The following ZNF135 variants were observed in gnomAD, a reference collection of about 807,000 sequenced individuals.
ZNF135 encodes zinc finger protein 135 (clone pHZ-17).
A neutral mutation model predicts 12.3 loss-of-function variants in ZNF135; 11 were observed. That is an observed-to-expected ratio of 0.89 (90% CI 0.56 to 1.48). The LOEUF is 1.48. Among genes scored for constraint, ZNF135 ranks in the 40% most tolerant of loss-of-function variants. The pLI is 0.00. For missense variants in ZNF135, 722 were observed against 815.7 expected, an observed-to-expected ratio of 0.89 and a Z score of 1.40; for synonymous variants, 316 against 312.0, an observed-to-expected ratio of 1.01 and a Z score of -0.14.
At position 58,059,350 on chromosome 19, in the gene ZNF135, C is replaced by CGGGCA. The variant is rs1291287047; in HGVS notation, c.-35+44_-35+45insAGGGC. 1 of 767,002 alleles carries CGGGCA rather than the reference C, an allele frequency of 1.3e-6. No individual in the cohort carries two copies. The highest frequency in any genetic ancestry group is 1.7e-6 in the Non-Finnish European group (1 of 575,988). 47.5% of individuals were successfully genotyped at this position (767,002 alleles called of 1,614,324 possible). On this transcript the variant is annotated intron_variant, in intron 1 of 4. Transcript: ENST00000313434. The surrounding 1 kb of genome is among the most constrained non-coding windows in gnomAD (Gnocchi z 6.5). ...CGAGGAGGGGGAGGGGAGGCCAGGC[C>CGGGCA]GGGCCGGGCCGGGCCGGGTGCGGGG...
rs142724637 is a variant in ZNF135, at chr19:58,068,215, G to A, written c.1731G>A (p.Pro577=). 116 of 1,608,926 alleles carry A rather than the reference G, an allele frequency of 7.2e-5. No individual in the cohort carries two copies. Among genetic ancestry groups the A allele is most frequent in the African/African-American group, 4.2e-4 (31 of 73,792 alleles). Residue 577 remains proline (P), a synonymous_variant, in exon 5 of 5, where the codon CCG becomes CCA. Transcript: ENST00000313434. The part of the protein sequence containing the change: ...EHQRIHTKEK[P]YGCNECGKSF... ...AGAGGATTCACACCAAGGAAAAGCC[G>A]TATGGGTGCAATGAGTGTGGGAAAT...
rs867611568 is a variant in ZNF135 at position 58,060,911 on chromosome 19, G to A, written c.34-669G>A. The stretch of plus-strand genomic sequence containing the variant: ...GGAGGCCGAGGTGGGCGGATCACGA[G>A]GTCAGGAGATCGAGACCATCCTGGC... On this transcript the variant is annotated intron_variant, in intron 2 of 4. Coordinates refer to ENST00000313434, the MANE Select transcript of ZNF135 (RefSeq NM_001289401.2). The surrounding 1 kb of genome is among the most constrained non-coding windows in gnomAD (Gnocchi z 4.9). Among the ~76,000 whole-genome samples, 12 of 152,156 alleles carry A rather than the reference G, an allele frequency of 7.9e-5. No individual in the cohort carries two copies. The highest frequency in any genetic ancestry group is 4.1e-4 in the South Asian group (2 of 4,820).
At chr19:58,062,260 C>T (rs1000100401) in intron 3 of ZNF135, among the ~76,000 whole-genome samples, 3 of 152,206 alleles carry the variant, frequency 2.0e-5, no homozygotes, top group African/African-American at 7.2e-5. Flanking sequence ...GGGCACTGAT[C>T]CCATTCATGA....
Position 58,060,392 on chromosome 19 carries a change from G to T in ZNF135, c.33+357G>T. 1 of 1,227,734 alleles carries T rather than the reference G, an allele frequency of 8.1e-7. No homozygotes were observed. The highest frequency in any genetic ancestry group is 1.0e-6 in the Non-Finnish European group (1 of 974,324). The allele number at this position is 1,227,734 out of a possible 1,614,324, so 76.1% of individuals were successfully genotyped here. On this transcript the variant is annotated intron_variant, in intron 2 of 4. Transcript: ENST00000313434. This position sits in a 1 kb window ranked among gnomAD's most constrained non-coding sequence, Gnocchi z 4.9. ...CCTCTGAAAGGACCGCCCACGCCGC[G>T]CTGGAGGTCAGCGGGCACGGGTCCC... is the stretch of plus-strand genomic sequence containing the variant.
Position 58,063,149 on chromosome 19 carries a change from G to C in ZNF135, c.161-297G>C, listed in dbSNP as rs894979906. On this transcript the variant is annotated intron_variant, in intron 3 of 4. Transcript: ENST00000313434. The surrounding 1 kb of genome is among the most constrained non-coding windows in gnomAD (Gnocchi z 4.4). ...AGGATCTGTGTCCCAGGGTTGTCCT[G>C]GTTTGGCTGCCAGGTCTTCTTCACA... is the stretch of plus-strand genomic sequence containing the variant. Among the ~76,000 whole-genome samples the C allele has an allele frequency of 7.2e-5, 11 of 152,210 alleles. No individual in the cohort carries two copies. Among genetic ancestry groups the C allele is most frequent in the African/African-American group, 2.7e-4 (11 of 41,452 alleles).
In ZNF135 at chr19:58,060,971, A is replaced by C. The variant is rs1474790523; in HGVS notation, c.34-609A>C. ...GAAACCCCGTCTCTACTAAAAATAC[A>C]AAAAAAAATTAGCCGGGGGGGTGGC... On this transcript the variant is annotated intron_variant, in intron 2 of 4. Coordinates refer to ENST00000313434, the MANE Select transcript of ZNF135 (RefSeq NM_001289401.2). This position sits in a 1 kb window ranked among gnomAD's most constrained non-coding sequence, Gnocchi z 4.9. 6.6e-6 allele frequency among the ~76,000 whole-genome samples: 1 copy of C among 150,668 alleles called. No homozygotes were observed. The highest frequency in any genetic ancestry group is 2.0e-4 in the East Asian group (1 of 5,128).
chr19:58,061,508 C>A, intron 2 of ZNF135, 72 bp from the exon 3 acceptor site: 1 of 1,547,168 alleles, frequency 6.5e-7, no homozygotes. Flanking sequence ...GCCTGGCTGG[C>A]ATTTACCAGC....
chr19:58,062,487 A>G lies in ZNF135; in HGVS notation c.160+781A>G, dbSNP rs536388517. 3.1e-4 allele frequency among the ~76,000 whole-genome samples: 47 copies of G among 151,738 alleles called. No individual in the cohort carries two copies. The East Asian group carries it at 7.9e-3, about 26-fold the overall frequency. On this transcript the variant is annotated intron_variant, in intron 3 of 4. Coordinates refer to ENST00000313434, the MANE Select transcript of ZNF135 (RefSeq NM_001289401.2). ...AAGCTCTGCCTCCCGGGTTCACACC[A>G]TTCTCCTGCCTCATCTTCCTGAGTA...
In ZNF135 at chr19:58,059,376, G is replaced by T. The variant is rs866647655; in HGVS notation, c.-35+66G>T. On this transcript the variant is annotated intron_variant, in intron 1 of 4. Transcript: ENST00000313434. The surrounding 1 kb of genome is among the most constrained non-coding windows in gnomAD (Gnocchi z 6.5). Reference sequence around the variant, plus strand: ...GGGCCGGGCCGGGCCGGGTGCGGGGGGTCCGGGGATCTTCCTGAGGCCCTG... The same window carrying T: ...GGGCCGGGCCGGGCCGGGTGCGGGGTGTCCGGGGATCTTCCTGAGGCCCTG... The T allele has an allele frequency of 7.2e-5, 62 of 864,050 alleles. 1 individual carries two copies. In the African/African-American group the frequency reaches 9.0e-4, roughly 13 times the overall value. The allele number at this position is 864,050 out of a possible 1,614,324, so 53.5% of individuals were successfully genotyped here.
In ZNF135 at chr19:58,059,946, T is replaced by A; in HGVS notation, c.-34-23T>A. On this transcript the variant is annotated intron_variant, in intron 1 of 4. Coordinates refer to ENST00000313434, the MANE Select transcript of ZNF135 (RefSeq NM_001289401.2). The surrounding 1 kb of genome is among the most constrained non-coding windows in gnomAD (Gnocchi z 6.5). ...GAGCACCGCCTCTGCCTGCCCCAGC[T>A]GCTCACCTCCCCTTTCCCACAGAGC... The A allele has an allele frequency of 6.2e-7, 1 of 1,611,314 alleles. No homozygotes were observed. Among genetic ancestry groups the A allele is most frequent in the East Asian group, 2.2e-5 (1 of 44,812 alleles).
chr19:58,069,196 A>G lies in ZNF135; in HGVS notation c.*735A>G, dbSNP rs886248220. On this transcript the variant is annotated 3_prime_UTR_variant, in exon 5 of 5. Coordinates refer to ENST00000313434, the MANE Select transcript of ZNF135 (RefSeq NM_001289401.2). ...TTTTTGCAATTAATCTTTATATGCA[A>G]TGAGATTGAAAAGCTTTGTATGGGA... 2 of 152,244 alleles carry G rather than the reference A, an allele frequency of 1.3e-5. No homozygotes were observed. The highest frequency in any genetic ancestry group is 2.9e-5 in the Non-Finnish European group (2 of 68,080). The allele number at this position is 152,244 out of a possible 1,614,324, so 9.4% of individuals were successfully genotyped here.
chr19:58,059,549 A>T lies in ZNF135; in HGVS notation c.-35+239A>T, dbSNP rs1245539986. Among the ~76,000 whole-genome samples, 3 of 152,096 alleles carry T rather than the reference A, an allele frequency of 2.0e-5. No homozygotes were observed. The highest frequency in any genetic ancestry group is 4.4e-5 in the Non-Finnish European group (3 of 67,980). On this transcript the variant is annotated intron_variant, in intron 1 of 4. Transcript: ENST00000313434. This position sits in a 1 kb window ranked among gnomAD's most constrained non-coding sequence, Gnocchi z 6.5. ...GGCGGGGCCCAACGCCCAGCTGGACAGGAGCTGCTCCGACGGCCCCTGAGG... is the reference window on the plus strand; with the variant it reads ...GGCGGGGCCCAACGCCCAGCTGGACTGGAGCTGCTCCGACGGCCCCTGAGG...
rs1263517471 is a variant in ZNF135, at chr19:58,061,718, C to G, written c.160+12C>G. ...TCTGGTCTCTGTGGGTAAGGCCACA[C>G]CCATGTCCTATCTGTTGATCTGTCC... On this transcript the variant is annotated intron_variant, in intron 3 of 4. Coordinates refer to ENST00000313434, the MANE Select transcript of ZNF135 (RefSeq NM_001289401.2). 6.2e-7 allele frequency: 1 copy of G among 1,604,616 alleles called. No individual in the cohort carries two copies. Among genetic ancestry groups the G allele is most frequent in the African/African-American group, 1.3e-5 (1 of 74,268 alleles).
Position 58,063,739 on chromosome 19 carries a change from G to A in ZNF135, c.256+198G>A. ...GAATTTATATTCTTGGTGAGGGAGT[G>A]GGGGAAACAAACAATAAATCGGTAA... is the stretch of plus-strand genomic sequence containing the variant. On this transcript the variant is annotated intron_variant, in intron 4 of 4. Coordinates refer to ENST00000313434, the MANE Select transcript of ZNF135 (RefSeq NM_001289401.2). This position sits in a 1 kb window ranked among gnomAD's most constrained non-coding sequence, Gnocchi z 4.4. 1.5e-6 allele frequency: 2 copies of A among 1,341,596 alleles called. No individual in the cohort carries two copies. The highest frequency in any genetic ancestry group is 1.6e-5 in the South Asian group (1 of 61,738). 83.1% of individuals were successfully genotyped at this position (1,341,596 alleles called of 1,614,324 possible).
At chr19:58,066,648 A>G in intron 4 of ZNF135, 93 bp from the exon 5 acceptor site, 1 of 1,512,280 alleles carries the variant, frequency 6.6e-7, no homozygotes, top group Non-Finnish European at 8.9e-7. Context: ...GTTTCAAAAT[A>G]ATTAGTTTTA....
intron 4 of ZNF135, among the ~76,000 whole-genome samples, chr19:58,066,179 T>C (rs1345591452): frequency 1.3e-5 from 2 of 152,224 alleles, no homozygotes; most frequent in Admixed American, 1.3e-4. Flanking sequence ...CTCTTAGTGA[T>C]GTACATTGCA....
At chr19:58,061,762 C>G in intron 3 of ZNF135, 56 bp downstream of exon 3, 1 of 1,547,758 alleles carries the variant, frequency 6.5e-7, no homozygotes. Flanking sequence ...GATTCTGATT[C>G]TACCAGGTTA....
chr19:58,059,637 G>C lies in ZNF135; in HGVS notation c.-35+327G>C, dbSNP rs966199940. On this transcript the variant is annotated intron_variant, in intron 1 of 4. Transcript: ENST00000313434. This position sits in a 1 kb window ranked among gnomAD's most constrained non-coding sequence, Gnocchi z 6.5. ...CACCGGGCACTGGGCCGCCACCTTT[G>C]TTGATGGAAGAGAGAAACTGAGGCA... The C allele has an allele frequency of 2.1e-4, 107 of 511,986 alleles. No homozygotes were observed. Among genetic ancestry groups the C allele is most frequent in the Non-Finnish European group, 3.3e-4 (96 of 292,552 alleles). The allele number at this position is 511,986 out of a possible 1,614,324, so 31.7% of individuals were successfully genotyped here.
intron 4 of ZNF135, among the ~76,000 whole-genome samples, chr19:58,064,116 T>TA (rs1690989424): frequency 6.6e-6 from 1 of 152,324 alleles, no homozygotes; most frequent in South Asian, 2.1e-4. Flanking sequence ...CATGTGCCTG[T>TA]AGGGTGATTG....
Sources: allele counts gnomAD v4.1 joint callset (sites outside exome capture counted in the v4.1 genomes callset), GRCh38; gene constraint gnomAD v4.1.1; non-coding constraint Gnocchi (gnomAD v3.1); transcripts MANE v1.5; gene names NCBI Gene and HGNC (gene_info 2026-07-23, HGNC 2026-07-21).